The following TLN2 variants were observed in gnomAD, a reference collection of about 807,000 sequenced individuals.
TLN2 encodes talin 2.
Under a neutral mutation model 294.7 loss-of-function variants are expected in TLN2, and 118 were observed. The observed-to-expected ratio is 0.40, with a 90% CI of 0.34 to 0.47. The LOEUF is 0.47. Among genes scored for constraint, TLN2 ranks in the 20% least tolerant of loss-of-function variants. The pLI is 0.84. For synonymous variants in TLN2, 1,431 were observed against 1,304.5 expected (o/e 1.10, Z -2.09); for missense variants, 3,083 against 3,282.2 (o/e 0.94, Z 1.48).
chr15:62,519,681 A>G (rs2040361134), intron 1 of TLN2, among the ~76,000 whole-genome samples: 1 of 152,214 alleles, frequency 6.6e-6, no homozygotes. Flanking sequence ...CAGAAGGAAG[A>G]GTATAATGTG....
intron 3 of TLN2, among the ~76,000 whole-genome samples, chr15:62,641,540 G>A (rs945336439): frequency 4.0e-5 from 6 of 151,800 alleles, no homozygotes; most frequent in East Asian, 3.9e-4. Context: ...CGTTTGAACC[G>A]GCTACTCGGG....
At chr15:62,679,529 A>G (rs745754036) in intron 11 of TLN2, among the ~76,000 whole-genome samples, 11 of 152,352 alleles carry the variant, frequency 7.2e-5, no homozygotes, top group African/African-American at 1.4e-4. Context: ...ACCACATACT[A>G]TATGATTCCC....
At chr15:62,693,530 C>T (rs1399924145) in intron 13 of TLN2, among the ~76,000 whole-genome samples, 2 of 152,016 alleles carry the variant, frequency 1.3e-5, no homozygotes, top group African/African-American at 4.8e-5. Context: ...TTCCTCTCCA[C>T]GTAGCTGTAC....
intron 1 of TLN2, among the ~76,000 whole-genome samples, chr15:62,396,126 G>A (rs578166127): frequency 1.3e-5 from 2 of 152,280 alleles, no homozygotes; most frequent in Admixed American, 6.5e-5. Context: ...GAGCCACTGT[G>A]CCTGGCCTTA....
chr15:62,451,304 C>G (rs374677201), intron 1 of TLN2, among the ~76,000 whole-genome samples: 1 of 152,092 alleles, frequency 6.6e-6, no homozygotes, highest in African/African-American at 2.4e-5. Context: ...GTGGCAGTCT[C>G]GCCAGGTCAG....
At chr15:62,670,123 T>C (rs2055221981) in intron 9 of TLN2, among the ~76,000 whole-genome samples, 1 of 152,180 alleles carries the variant, frequency 6.6e-6, no homozygotes, top group South Asian at 2.1e-4. Context: ...GGTATTCTTC[T>C]AGTGACAGCC....
Position 62,805,044 on chromosome 15 carries a change from A to G in TLN2, c.6478-556A>G, listed in dbSNP as rs140021958. On this transcript the variant is annotated intron_variant, in intron 50 of 58. Coordinates refer to ENST00000636159, the MANE Select transcript of TLN2 (RefSeq NM_015059.3). ...TTGCTAAATAATTCACAGTGTCACC[A>G]TGGCGCACTCGACGTGAACACCTCT... 1.9e-3 allele frequency among the ~76,000 whole-genome samples: 291 copies of G among 152,312 alleles called. 1 individual carries two copies. Among genetic ancestry groups the G allele is most frequent in the African/African-American group, 6.4e-3 (266 of 41,564 alleles).
At chr15:62,830,917 A>G (rs1015635393) in intron 54 of TLN2, 5 of 152,160 alleles carry the variant, frequency 3.3e-5, no homozygotes, top group African/African-American at 1.2e-4. Context: ...TTTAAAGCAT[A>G]GAGATGTTGT....
chr15:62,674,508 G>A (rs1289557797), intron 10 of TLN2, among the ~76,000 whole-genome samples: 1 of 87,518 alleles, frequency 1.1e-5, no homozygotes, highest in Non-Finnish European at 2.3e-5. Context: ...TATGGAAAAC[G>A]ATATTTTTTT....
At chr15:62,721,685 G>T (rs1282348907) in intron 25 of TLN2, among the ~76,000 whole-genome samples, 2 of 152,106 alleles carry the variant, frequency 1.3e-5, no homozygotes, top group African/African-American at 2.4e-5. Flanking sequence ...TTATAAATAT[G>T]TACAGAGTTA....
At chr15:62,688,274 C>A (rs1363197136) in intron 12 of TLN2, among the ~76,000 whole-genome samples, 1 of 152,086 alleles carries the variant, frequency 6.6e-6, no homozygotes, top group African/African-American at 2.4e-5. Flanking sequence ...CCTTCCTACT[C>A]CTAGCCTTTA....
chr15:62,533,617 T>C (rs2041174939), intron 1 of TLN2, among the ~76,000 whole-genome samples: 1 of 152,184 alleles, frequency 6.6e-6, no homozygotes, highest in Non-Finnish European at 1.5e-5. Context: ...TATTTTTCTT[T>C]CTCATCTCAT....
In TLN2 at chr15:62,766,379, T is replaced by C; in HGVS notation, c.5153T>C (p.Ile1718Thr). Reference protein sequence around the residue: ...VQEIGHLIDPIATAARGEAAQ... With the variant: ...VQEIGHLIDPTATAARGEAAQ... Reference sequence around the variant, plus strand: ...GAAATCGGACACCTTATCGATCCCATCGCCACAGCGGCTCGGGGAGAAGCA... The same window carrying C: ...GAAATCGGACACCTTATCGATCCCACCGCCACAGCGGCTCGGGGAGAAGCA... Residue 1718 changes from isoleucine to threonine, a missense_variant, in exon 41 of 59, where the codon ATC becomes ACC. Coordinates refer to ENST00000636159, the MANE Select transcript of TLN2 (RefSeq NM_015059.3). The C allele has an allele frequency of 6.2e-7, 1 of 1,612,966 alleles. No homozygotes were observed. Among genetic ancestry groups the C allele is most frequent in the Non-Finnish European group, 8.5e-7 (1 of 1,179,022 alleles).
intron 1 of TLN2, among the ~76,000 whole-genome samples, chr15:62,425,870 T>C (rs1014105228): frequency 5.9e-5 from 9 of 152,206 alleles, no homozygotes; most frequent in Admixed American, 1.3e-4. Context: ...AACCTACTTA[T>C]TGCCCCACAT....
chr15:62,523,815 A>G (rs749629870), intron 1 of TLN2, among the ~76,000 whole-genome samples: 17 of 152,264 alleles, frequency 1.1e-4, no homozygotes, highest in Non-Finnish European at 2.2e-4. Flanking sequence ...CACTTAAGTC[A>G]AAACCAATTA....
chr15:62,538,063 A>C (rs2041462926), intron 1 of TLN2, among the ~76,000 whole-genome samples: 1 of 152,106 alleles, frequency 6.6e-6, no homozygotes, highest in Non-Finnish European at 1.5e-5. Flanking sequence ...CTCTACTAAA[A>C]ATACAAAAAT....
At chr15:62,490,689 T>C (rs2140406133) in intron 1 of TLN2, among the ~76,000 whole-genome samples, 1 of 152,282 alleles carries the variant, frequency 6.6e-6, no homozygotes, top group East Asian at 1.9e-4. Context: ...GTTCTACCTG[T>C]GGAATTTTTT....
At chr15:62,601,874 G>T (rs2047040925) in intron 2 of TLN2, among the ~76,000 whole-genome samples, 1 of 152,024 alleles carries the variant, frequency 6.6e-6, no homozygotes. Context: ...TATACTTATT[G>T]ATGCTCAGAT....
chr15:62,423,712 C>T (rs1404379840), intron 1 of TLN2, among the ~76,000 whole-genome samples: 1 of 152,004 alleles, frequency 6.6e-6, no homozygotes, highest in Non-Finnish European at 1.5e-5. Context: ...TCCCAAGTAG[C>T]TGGGATTACA....
Sources: allele counts gnomAD v4.1 joint callset (sites outside exome capture counted in the v4.1 genomes callset), GRCh38; gene constraint gnomAD v4.1.1; transcripts MANE v1.5; gene names NCBI Gene and HGNC (gene_info 2026-07-23, HGNC 2026-07-21).